MCTP2: variants seen among roughly 807,000 people sequenced by gnomAD.
MCTP2 encodes multiple C2 and transmembrane domain-containing protein 2.
MCTP2 carries 132 observed loss-of-function variants against 111.6 expected under a neutral mutation model. That is an observed-to-expected ratio of 1.18 (90% CI 1.03 to 1.37). The LOEUF is 1.37. Ranked by LOEUF, MCTP2 falls within the 40% of genes most tolerant of loss-of-function variation. The pLI is 0.00. For missense variants in MCTP2, 1,183 were observed against 1,067.9 expected, an observed-to-expected ratio of 1.11 and a Z score of -1.50; for synonymous variants, 395 against 387.7, an observed-to-expected ratio of 1.02 and a Z score of -0.22.
intron 19 of MCTP2, 66 bp downstream of exon 19, chr15:94,443,026 C>A: frequency 1.5e-5 from 18 of 1,210,820 alleles, no homozygotes; most frequent in Non-Finnish European, 2.1e-5. Context: ...AGCATTCCTT[C>A]AGGTTGAGTC....
At chr15:94,382,539 G>T (rs2080200985) in intron 12 of MCTP2, among the ~76,000 whole-genome samples, 1 of 152,238 alleles carries the variant, frequency 6.6e-6, no homozygotes, top group Non-Finnish European at 1.5e-5. Flanking sequence ...CATCGCCCAT[G>T]CGTCTGCTCT....
chr15:94,374,862 G>C (rs75264416), intron 12 of MCTP2, among the ~76,000 whole-genome samples: 25 of 152,130 alleles, frequency 1.6e-4, no homozygotes, highest in Admixed American at 4.6e-4. Flanking sequence ...AGCCCTCCAC[G>C]CCTAGCTCGG....
At chr15:94,431,244 T>C (rs2083171221) in intron 17 of MCTP2, among the ~76,000 whole-genome samples, 1 of 152,006 alleles carries the variant, frequency 6.6e-6, no homozygotes, top group Non-Finnish European at 1.5e-5. Context: ...ACATTATAAG[T>C]GAAGAAATAG....
intron 1 of MCTP2, among the ~76,000 whole-genome samples, chr15:94,243,679 ATG>A (rs2071336254): frequency 6.7e-6 from 1 of 148,744 alleles, no homozygotes; most frequent in Admixed American, 6.7e-5. Flanking sequence ...ATACACATAT[ATG>A]TATACACATA....
intron 21 of MCTP2, 179 bp from the exon 22 acceptor site, chr15:94,476,517 A>T (rs1471540743): frequency 2.1e-6 from 1 of 475,994 alleles, no homozygotes; most frequent in East Asian, 3.8e-5. Context: ...AATTGTTTTC[A>T]CACTAATTTT....
chr15:94,334,783 A>G (rs2077279333), intron 4 of MCTP2, among the ~76,000 whole-genome samples: 1 of 152,068 alleles, frequency 6.6e-6, no homozygotes. Flanking sequence ...CCTGGCCTCA[A>G]GTGATCCTCC....
intron 1 of MCTP2, among the ~76,000 whole-genome samples, chr15:94,245,380 ATATG>A (rs2071809973): frequency 7.3e-6 from 1 of 136,090 alleles, no homozygotes; most frequent in Admixed American, 7.5e-5. Context: ...ATACATATGT[ATATG>A]TATTTATATA....
At chr15:94,355,029 T>C (rs16948999) in intron 8 of MCTP2, among the ~76,000 whole-genome samples, 39,663 of 152,126 alleles carry the variant, frequency 0.26, 5,918 homozygotes, top group African/African-American at 0.39. Flanking sequence ...TTTCACTTAC[T>C]GAACGGACAA....
At chr15:94,245,662 A>G (rs558290075) in intron 1 of MCTP2, among the ~76,000 whole-genome samples, 53 of 146,364 alleles carry the variant, frequency 3.6e-4, no homozygotes, top group Middle Eastern at 3.6e-3. Flanking sequence ...GTATATGTAA[A>G]TGTGTATATA....
chr15:94,425,585 TCAAAA>T (rs1296813840), intron 17 of MCTP2, among the ~76,000 whole-genome samples: 1 of 151,834 alleles, frequency 6.6e-6, no homozygotes, highest in Non-Finnish European at 1.5e-5. Context: ...ATGAGTAAAA[TCAAAA>T]GAAAAAACAA....
intron 19 of MCTP2, among the ~76,000 whole-genome samples, chr15:94,456,823 T>C (rs777653363): frequency 4.6e-5 from 7 of 152,186 alleles, no homozygotes; most frequent in Non-Finnish European, 1.0e-4. Context: ...TTCTAGCCTC[T>C]GTTCTTCCTT....
intron 1 of MCTP2, among the ~76,000 whole-genome samples, chr15:94,248,620 G>A (rs1292851884): frequency 6.6e-6 from 1 of 152,194 alleles, no homozygotes; most frequent in Non-Finnish European, 1.5e-5. Flanking sequence ...TTCTCAGGCT[G>A]TCAAGATTCT....
intron 1 of MCTP2, among the ~76,000 whole-genome samples, chr15:94,296,264 A>T (rs1244865296): frequency 2.0e-5 from 3 of 152,250 alleles, no homozygotes; most frequent in African/African-American, 7.2e-5. Flanking sequence ...AATTGAATGT[A>T]CTTGCGTATT....
intron 1 of MCTP2, among the ~76,000 whole-genome samples, chr15:94,261,271 G>A (rs182650379): frequency 2.6e-5 from 4 of 152,322 alleles, no homozygotes; most frequent in African/African-American, 7.2e-5. Flanking sequence ...TTCTGAGGCT[G>A]TGTCATAGGT....
At chr15:94,245,831 C>G (rs1037524794) in intron 1 of MCTP2, among the ~76,000 whole-genome samples, 1 of 151,336 alleles carries the variant, frequency 6.6e-6, no homozygotes, top group Non-Finnish European at 1.5e-5. Context: ...ATTGCTCCCC[C>G]CCCAGCCAAA....
At chr15:94,351,136 C>G (rs897682160) in intron 8 of MCTP2, among the ~76,000 whole-genome samples, 2 of 152,148 alleles carry the variant, frequency 1.3e-5, no homozygotes, top group African/African-American at 4.8e-5. Flanking sequence ...TTTTTATCTA[C>G]AAGTATAAAT....
chr15:94,444,498 G>A (rs1371413448), intron 19 of MCTP2, among the ~76,000 whole-genome samples: 1 of 152,188 alleles, frequency 6.6e-6, no homozygotes, highest in African/African-American at 2.4e-5. Flanking sequence ...CTGGCCACCA[G>A]CTCCCCCATC....
intron 12 of MCTP2, among the ~76,000 whole-genome samples, chr15:94,379,147 C>T (rs993661557): frequency 6.6e-6 from 1 of 151,336 alleles, no homozygotes; most frequent in African/African-American, 2.4e-5. Flanking sequence ...ATTCCCCGTG[C>T]AAAGTAGGAA....
rs1169098635 is a variant in MCTP2 at position 94,482,433 on chromosome 15, C to T, written c.*3399C>T. 1.3e-5 allele frequency: 2 copies of T among 152,072 alleles called. No individual in the cohort carries two copies. Among genetic ancestry groups the T allele is most frequent in the African/African-American group, 2.4e-5 (1 of 41,386 alleles). 9.4% of individuals were successfully genotyped at this position (152,072 alleles called of 1,614,324 possible). A position where few individuals can be genotyped will look rare whatever the true frequency, so the allele number is the denominator to read the frequency against. ...ATTGCTGGACTATGGGATGAGGGAG[C>T]GTAGAGTCAAGGATGGCTCTCAGTC... On this transcript the variant is annotated 3_prime_UTR_variant, in exon 23 of 23. Coordinates refer to ENST00000357742, the MANE Select transcript of MCTP2 (RefSeq NM_001385001.1).
Sources: gnomAD v4.1 joint callset for allele counts (sites outside exome capture counted in the v4.1 genomes callset) on GRCh38, gnomAD v4.1.1 for gene constraint, MANE v1.5 for transcripts, NCBI Gene and HGNC (gene_info 2026-07-23, HGNC 2026-07-21) for gene names.